Variants in TDRKH observed in about 807,000 individuals in gnomAD.
The protein encoded by TDRKH is tudor and KH domain-containing protein.
A neutral mutation model predicts 61.3 loss-of-function variants in TDRKH; 28 were observed. That is an observed-to-expected ratio of 0.46 (90% confidence interval 0.34 to 0.63). The LOEUF is 0.63. Among genes scored for constraint, TDRKH ranks in the 20% least tolerant of loss-of-function variants. TDRKH has a pLI of 0.01. For missense variants in TDRKH, 540 were observed against 683.4 expected (o/e 0.79, Z 2.34); for synonymous variants, 219 against 244.4 (o/e 0.90, Z 0.97).
At chr1:151,785,675 G>A (rs146582999) in intron 1 of TDRKH, among the ~76,000 whole-genome samples, 2 of 152,224 alleles carry the variant, frequency 1.3e-5, no homozygotes, top group African/African-American at 2.4e-5. Context: ...GGTTATTCTT[G>A]CTTGTAAAAA....
downstream of TDRKH, chr1:151,768,100 C>A (rs1299947779): frequency 1.9e-6 from 3 of 1,613,904 alleles, no homozygotes; most frequent in Middle Eastern, 1.6e-4. Flanking sequence ...CCTGCTCCAC[C>A]AGGACCCAGT....
chr1:151,774,229 T>C lies in TDRKH; in HGVS notation c.*223A>G. On this transcript the variant is annotated 3_prime_UTR_variant, in exon 13 of 13. Coordinates refer to ENST00000368824, the MANE Select transcript of TDRKH (RefSeq NM_001083965.2). ...ATGCACCAATTCCTATGCCAAATCCTGCCAAAGACAGAAATACACAAAAAG... is the reference window on the plus strand; with the variant it reads ...ATGCACCAATTCCTATGCCAAATCCCGCCAAAGACAGAAATACACAAAAAG... 1.8e-5 allele frequency: 10 copies of C among 565,310 alleles called. No individual in the cohort carries two copies. In the South Asian group the frequency reaches 1.8e-4, roughly 10 times the overall value. The allele number at this position is 565,310 out of a possible 1,614,324, so 35.0% of individuals were successfully genotyped here. A position where few individuals can be genotyped will look rare whatever the true frequency, so the allele number is the denominator to read the frequency against.
downstream of TDRKH, chr1:151,771,675 G>A (rs530212599): frequency 5.1e-5 from 19 of 373,084 alleles, no homozygotes; most frequent in South Asian, 1.4e-4. Context: ...GGATCTCAAC[G>A]GACAGAATAG....
At position 151,775,117 on chromosome 1, in the gene TDRKH, A is replaced by G; in HGVS notation, c.1484T>C (p.Leu495Pro). 1 of 1,614,204 alleles carries G rather than the reference A, an allele frequency of 6.2e-7. No individual in the cohort carries two copies. Among genetic ancestry groups the G allele is most frequent in the Non-Finnish European group, 8.5e-7 (1 of 1,180,036 alleles). Residue 495 changes from leucine (L) to proline (P), a missense_variant, in exon 11 of 13, where the codon CTT (leucine) becomes CCT (proline). Coordinates refer to ENST00000368824, the MANE Select transcript of TDRKH (RefSeq NM_001083965.2). The part of the protein sequence containing the change: ...ELVHKGYAIE[L>P]PEDIEENRAV... The stretch of plus-strand genomic sequence containing the variant: ...TCTGTTTTCTTCTATGTCTTCAGGA[A>G]GCTCAATTGCGTATCCTTTGTGTAC...
downstream of TDRKH, chr1:151,766,506 C>A: frequency 1.8e-6 from 1 of 556,216 alleles, no homozygotes. Context: ...ATTTTTTAAT[C>A]ATTCATACAG....
downstream of TDRKH, chr1:151,770,385 C>A: frequency 7.4e-7 from 1 of 1,347,332 alleles, no homozygotes; most frequent in Admixed American, 2.4e-5. Context: ...TTCTTTTCTT[C>A]CCACCTACCA....
At chr1:151,779,788 T>A (rs1649568024) in intron 4 of TDRKH, 163 bp downstream of exon 4, 2 of 656,608 alleles carry the variant, frequency 3.0e-6, no homozygotes, top group Non-Finnish European at 4.9e-6. Flanking sequence ...ACAGGTTTGG[T>A]TTTACCACCA....
At chr1:151,781,777 C>A in intron 2 of TDRKH, 190 bp from the exon 3 acceptor site, 1 of 563,374 alleles carries the variant, frequency 1.8e-6, no homozygotes, top group South Asian at 2.1e-5. Context: ...CAGAGATGGG[C>A]ATTTTCTCTG....
chr1:151,772,220 C>A (rs1044174962), downstream of TDRKH, among the ~76,000 whole-genome samples: 1 of 152,088 alleles, frequency 6.6e-6, no homozygotes, highest in Admixed American at 6.6e-5. Flanking sequence ...CCCACCTCAG[C>A]CTCTCAAGTA....
chr1:151,788,825 G>T (rs1429102119), intron 1 of TDRKH, among the ~76,000 whole-genome samples: 2 of 152,080 alleles, frequency 1.3e-5, no homozygotes, highest in Non-Finnish European at 2.9e-5. Context: ...TGCAGCCAAG[G>T]CCCCTCAATC....
In TDRKH at chr1:151,774,275, G is replaced by C. The variant is rs1008822809; in HGVS notation, c.*177C>G. 7.9e-6 allele frequency: 5 copies of C among 633,650 alleles called. No individual in the cohort carries two copies. In the African/African-American group the frequency reaches 9.2e-5, roughly 12 times the overall value. The allele number at this position is 633,650 out of a possible 1,614,324, so 39.3% of individuals were successfully genotyped here. The stretch of plus-strand genomic sequence containing the variant: ...AAAAGCTTGAAAGTGCTCAATCTGA[G>C]AGCAAGTTAAGCTGCAGGAAAGCAG... On this transcript the variant is annotated 3_prime_UTR_variant, in exon 13 of 13. Coordinates refer to ENST00000368824, the MANE Select transcript of TDRKH (RefSeq NM_001083965.2).
downstream of TDRKH, chr1:151,767,061 C>T: frequency 6.6e-7 from 1 of 1,507,950 alleles, no homozygotes. Flanking sequence ...TAGAAACAGG[C>T]TGGACAACAG....
intron 12 of TDRKH, 73 bp from the exon 13 acceptor site, chr1:151,774,577 A>T: frequency 6.3e-7 from 1 of 1,594,528 alleles, no homozygotes; most frequent in African/African-American, 1.3e-5. Flanking sequence ...CGAGGCTCAA[A>T]AGAAAAATGG....
downstream of TDRKH, chr1:151,769,957 A>C (rs1648589343): frequency 3.0e-6 from 2 of 664,010 alleles, no homozygotes; most frequent in East Asian, 8.4e-5. Flanking sequence ...CTGCAATCCC[A>C]GGCACTCAGC....
chr1:151,770,063 A>T (rs1378151929), downstream of TDRKH: 10 of 1,564,808 alleles, frequency 6.4e-6, no homozygotes, highest in Non-Finnish European at 8.7e-6. Flanking sequence ...GTGGCATCAG[A>T]GGGAGACCGT....
chr1:151,780,272 C>A, intron 3 of TDRKH, 132 bp from the exon 4 acceptor site: 1 of 265,008 alleles, frequency 3.8e-6, no homozygotes, highest in Non-Finnish European at 6.9e-6. Flanking sequence ...ATCTATACAA[C>A]CAGTCCTCAA....
chr1:151,771,357 G>A, downstream of TDRKH: 3 of 1,475,992 alleles, frequency 2.0e-6, no homozygotes, highest in Admixed American at 2.6e-5. Flanking sequence ...TCTTGGGGGG[G>A]TGGGTAATAG....
rs903629505 is a variant in TDRKH, at chr1:151,790,439, G to C, written c.-87C>G. On this transcript the variant is annotated 5_prime_UTR_variant, in exon 1 of 13. Transcript: ENST00000368824. The stretch of plus-strand genomic sequence containing the variant: ...AGTCAGCCGTCGAGTGCGCCGCCTC[G>C]CGCCTCACCCCAGCTGCAGCCACCA... The C allele has an allele frequency of 1.8e-4, 27 of 153,040 alleles. No individual in the cohort carries two copies. Among genetic ancestry groups the C allele is most frequent in the African/African-American group, 6.5e-4 (27 of 41,424 alleles). The allele number at this position is 153,040 out of a possible 1,614,324, so 9.5% of individuals were successfully genotyped here. A position where few individuals can be genotyped will look rare whatever the true frequency, so the allele number is the denominator to read the frequency against.
intron 1 of TDRKH, among the ~76,000 whole-genome samples, chr1:151,787,522 A>G (rs2101625786): frequency 6.6e-6 from 1 of 152,164 alleles, no homozygotes; most frequent in Non-Finnish European, 1.5e-5. Context: ...TGGCTTAGGT[A>G]TTTTCTTATA....
Sources: allele counts gnomAD v4.1 joint callset (sites outside exome capture counted in the v4.1 genomes callset), GRCh38; gene constraint gnomAD v4.1.1; transcripts MANE v1.5; gene names NCBI Gene and HGNC (gene_info 2026-07-23, HGNC 2026-07-21).